The following ADAM32 variants were observed in gnomAD, a reference collection of about 807,000 sequenced individuals.
ADAM32 encodes disintegrin and metalloproteinase domain-containing protein 32.
ADAM32 carries 89 observed loss-of-function variants against 114.9 expected under a neutral mutation model. The ratio of observed to expected loss-of-function variants is 0.77; its 90% CI spans 0.65 to 0.92. The LOEUF is 0.92. Ranked by LOEUF, ADAM32 falls within the 40% of genes least tolerant of loss-of-function variation. The pLI, the probability that ADAM32 is intolerant of heterozygous loss-of-function variation, is 0.00. For synonymous variants in ADAM32, 285 were observed against 307.5 expected (o/e 0.93, Z 0.77); for missense variants, 870 against 932.8 (o/e 0.93, Z 0.88).
intron 1 of ADAM32, among the ~76,000 whole-genome samples, chr8:39,116,711 A>G (rs1014959958): frequency 1.9e-4 from 29 of 152,222 alleles, no homozygotes; most frequent in Admixed American, 1.6e-3. Context: ...CTCTCTTCCT[A>G]TTCGGATGCC....
chr8:39,117,091 C>G (rs977566045), intron 1 of ADAM32, among the ~76,000 whole-genome samples: 7 of 151,460 alleles, frequency 4.6e-5, no homozygotes, highest in Non-Finnish European at 8.8e-5. Context: ...ACTATGTTGG[C>G]CAGGCTGATC....
At chr8:39,220,631 C>A (rs1052106937) in intron 12 of ADAM32, among the ~76,000 whole-genome samples, 6 of 151,742 alleles carry the variant, frequency 4.0e-5, no homozygotes, top group Non-Finnish European at 7.4e-5. Context: ...TCATTTGTTT[C>A]AAACAATTTT....
intron 16 of ADAM32, among the ~76,000 whole-genome samples, chr8:39,235,502 C>T (rs115232151): frequency 2.3e-4 from 35 of 151,900 alleles, no homozygotes; most frequent in African/African-American, 7.7e-4. Flanking sequence ...GGTCATGGAG[C>T]AGAAAAGAAA....
chr8:39,239,947 A>C (rs887674340), intron 16 of ADAM32, among the ~76,000 whole-genome samples: 5 of 152,236 alleles, frequency 3.3e-5, no homozygotes, highest in Non-Finnish European at 7.3e-5. Context: ...TGATAGACGT[A>C]AGAAATGAGA....
chr8:39,224,018 G>A (rs556841466), intron 14 of ADAM32: 75 of 152,138 alleles, frequency 4.9e-4, no homozygotes, highest in African/African-American at 1.7e-3. Context: ...TTGTGTGTTT[G>A]TGTATATGTA....
chr8:39,240,696 T>C (rs56343515), intron 16 of ADAM32, among the ~76,000 whole-genome samples: 22,259 of 152,158 alleles, frequency 0.15, 1,779 homozygotes, highest in Middle Eastern at 0.26. Context: ...AAACTCCCCT[T>C]TTTAAAACCA....
At chr8:39,148,210 C>T (rs779324438) in intron 4 of ADAM32, among the ~76,000 whole-genome samples, 1 of 152,170 alleles carries the variant, frequency 6.6e-6, no homozygotes, top group Non-Finnish European at 1.5e-5. Context: ...TCACCTGGTT[C>T]CCTTTTACCT....
rs983270344 is a variant in ADAM32, at chr8:39,281,275, C to G, written c.2318+101C>G. 3.9e-5 allele frequency: 22 copies of G among 562,744 alleles called. 1 individual carries two copies. In the Admixed American group the frequency reaches 5.9e-4, roughly 15 times the overall value. The allele number at this position is 562,744 out of a possible 1,614,324, so 34.9% of individuals were successfully genotyped here. Reference sequence around the variant, plus strand: ...TAATTGCTCAACATTTTTTGAGCAGCCACAATCGATAAAGTCTACACCAAA... The same window carrying G: ...TAATTGCTCAACATTTTTTGAGCAGGCACAATCGATAAAGTCTACACCAAA... On this transcript the variant is annotated intron_variant, in intron 23 of 24. Coordinates refer to ENST00000379907, the MANE Select transcript of ADAM32 (RefSeq NM_145004.7).
intron 16 of ADAM32, among the ~76,000 whole-genome samples, chr8:39,234,711 C>T (rs1809989945): frequency 6.6e-6 from 1 of 152,146 alleles, no homozygotes; most frequent in African/African-American, 2.4e-5. Context: ...TCTTTGAAAC[C>T]AACCCAAATC....
At chr8:39,247,269 A>G (rs1031548757) in intron 17 of ADAM32, among the ~76,000 whole-genome samples, 1 of 152,118 alleles carries the variant, frequency 6.6e-6, no homozygotes, top group African/African-American at 2.4e-5. Flanking sequence ...TTTTGTTAGA[A>G]ACTGACAAAA....
intron 17 of ADAM32, among the ~76,000 whole-genome samples, chr8:39,251,463 T>C (rs548926019): frequency 1.5e-4 from 23 of 152,016 alleles, no homozygotes; most frequent in African/African-American, 5.5e-4. Context: ...TCATAATTAG[T>C]GATGTTGAAC....
intron 19 of ADAM32, among the ~76,000 whole-genome samples, chr8:39,269,739 G>A (rs1004620698): frequency 6.6e-6 from 1 of 152,124 alleles, no homozygotes; most frequent in African/African-American, 2.4e-5. Context: ...CAGTGTCTTT[G>A]ATGTTTCCCA....
At chr8:39,233,199 G>A (rs1192449737) in intron 15 of ADAM32, among the ~76,000 whole-genome samples, 1 of 152,082 alleles carries the variant, frequency 6.6e-6, no homozygotes, top group Non-Finnish European at 1.5e-5. Context: ...ATAAAAGAAT[G>A]ACTGCTCAAC....
In ADAM32 at chr8:39,284,830, G is replaced by C. The variant is rs201321097; in HGVS notation, c.*31G>C. ...CCTTCAGAAGGCAACGGATAACATC[G>C]AGAGTCTCGCTAAGAAATGAAAATT... On this transcript the variant is annotated 3_prime_UTR_variant, in exon 25 of 25. Coordinates refer to ENST00000379907, the MANE Select transcript of ADAM32 (RefSeq NM_145004.7). 1 of 1,612,086 alleles carries C rather than the reference G, an allele frequency of 6.2e-7. No homozygotes were observed. Among genetic ancestry groups the C allele is most frequent in the African/African-American group, 1.3e-5 (1 of 74,874 alleles).
intron 15 of ADAM32, among the ~76,000 whole-genome samples, chr8:39,233,558 TGTATCTTATG>T: frequency 6.6e-6 from 1 of 152,182 alleles, no homozygotes; most frequent in African/African-American, 2.4e-5. Flanking sequence ...GCTTATGACC[TGTATCTTATG>T]CCGATCTCCT....
intron 23 of ADAM32, among the ~76,000 whole-genome samples, chr8:39,282,573 G>C (rs1030080686): frequency 6.6e-6 from 1 of 152,180 alleles, no homozygotes; most frequent in African/African-American, 2.4e-5. Flanking sequence ...AAGGTATTTG[G>C]TGATTATTCT....
chr8:39,270,241 T>G (rs1434910719), intron 19 of ADAM32, among the ~76,000 whole-genome samples: 1 of 152,214 alleles, frequency 6.6e-6, no homozygotes, highest in Non-Finnish European at 1.5e-5. Flanking sequence ...TTCAAGAATT[T>G]GTGGGAGTGT....
chr8:39,125,957 A>C (rs1393994889), intron 2 of ADAM32, among the ~76,000 whole-genome samples: 1 of 152,170 alleles, frequency 6.6e-6, no homozygotes, highest in Admixed American at 6.5e-5. Context: ...GGTTTGTCAG[A>C]GATCAGATGG....
intron 6 of ADAM32, among the ~76,000 whole-genome samples, chr8:39,155,148 T>C (rs898193555): frequency 1.3e-5 from 2 of 152,202 alleles, no homozygotes; most frequent in Admixed American, 6.5e-5. Flanking sequence ...CTGGAAGCAT[T>C]CTCTTTGAAA....
Sources: allele counts gnomAD v4.1 joint callset (sites outside exome capture counted in the v4.1 genomes callset), GRCh38; gene constraint gnomAD v4.1.1; transcripts MANE v1.5; gene names NCBI Gene and HGNC (gene_info 2026-07-23, HGNC 2026-07-21).